The following ZNF131 variants were observed in gnomAD, a reference collection of about 807,000 sequenced individuals.
ZNF131 encodes zinc finger and BTB domain containing 35, also known as zinc finger protein 131.
A neutral mutation model predicts 60.0 loss-of-function variants in ZNF131; 7 were observed. The observed-to-expected ratio is 0.12, with a 90% CI of 0.07 to 0.22. ZNF131 has a LOEUF of 0.22. ZNF131 is among the 10% of genes least tolerant of loss of function. ZNF131 has a pLI of 1.00. For missense variants in ZNF131, 493 were observed against 740.9 expected, an observed-to-expected ratio of 0.67 and a Z score of 3.88; for synonymous variants, 257 against 253.2, an observed-to-expected ratio of 1.01 and a Z score of -0.14.
intron 5 of ZNF131, among the ~76,000 whole-genome samples, chr5:43,162,987 T>TTTTTTTTTG (rs1243576255): frequency 7.2e-6 from 1 of 138,906 alleles, no homozygotes; most frequent in African/African-American, 2.6e-5. Context: ...TTTTTTTTTT[T>TTTTTTTTTG]GGCAGATGGA....
intron 4 of ZNF131, among the ~76,000 whole-genome samples, chr5:43,158,773 T>C (rs1749276186): frequency 6.6e-6 from 1 of 152,160 alleles, no homozygotes; most frequent in Non-Finnish European, 1.5e-5. Flanking sequence ...ACATGTTTGC[T>C]GCTGGTTCCT....
intron 6 of ZNF131, 27 bp from the exon 7 acceptor site, chr5:43,174,420 T>C (rs758563187): frequency 2.0e-6 from 3 of 1,505,462 alleles, no homozygotes; most frequent in Non-Finnish European, 2.7e-6. Flanking sequence ...ATAAGTATTG[T>C]CTACATCATA....
intron 4 of ZNF131, chr5:43,143,401 G>A (rs1168082776): frequency 2.8e-6 from 4 of 1,406,966 alleles, no homozygotes; most frequent in Non-Finnish European, 3.7e-6. Flanking sequence ...ACTGCACATA[G>A]TCCTCAAAAG....
chr5:43,166,772 A>T lies in ZNF131; in HGVS notation c.1054+4841A>T, dbSNP rs10055540. ...CCGGGTTCAAGCAGTTCTCTGCCTC[A>T]GCCTCCCGAGTAGCTGGGATTACAG... On this transcript the variant is annotated intron_variant, in intron 5 of 6. Transcript: ENST00000682664. Among the ~76,000 whole-genome samples the T allele has an allele frequency of 4.7e-5, 7 of 149,932 alleles. 1 individual carries two copies. The South Asian group carries it at 6.2e-4, about 13-fold the overall frequency.
chr5:43,133,246 A>G (rs1278423132), intron 3 of ZNF131, among the ~76,000 whole-genome samples: 2 of 152,090 alleles, frequency 1.3e-5, no homozygotes, highest in African/African-American at 4.8e-5. Flanking sequence ...TGGACGGATC[A>G]TGAGGTCAGG....
chr5:43,123,317 G>T lies in ZNF131; in HGVS notation c.226+7G>T. 1 of 1,577,894 alleles carries T rather than the reference G, an allele frequency of 6.3e-7. No homozygotes were observed. The highest frequency in any genetic ancestry group is 8.6e-7 in the Non-Finnish European group (1 of 1,167,070). On this transcript the variant is annotated splice_region_variant and intron_variant, in intron 3 of 6. Coordinates refer to ENST00000682664, the MANE Select transcript of ZNF131 (RefSeq NM_001330707.2). ...CCATTGGTGGAGATAGAAGGTAAAT[G>T]ATTCTTGTTGTTTTTTTATTTAATA...
At chr5:43,152,336 C>G (rs774135199) in intron 4 of ZNF131, among the ~76,000 whole-genome samples, 8 of 152,120 alleles carry the variant, frequency 5.3e-5, no homozygotes, top group Non-Finnish European at 1.0e-4. Flanking sequence ...CTCCTGAATG[C>G]CAGCTGACTT....
At chr5:43,125,712 C>T (rs929661355) in intron 3 of ZNF131, among the ~76,000 whole-genome samples, 11 of 151,516 alleles carry the variant, frequency 7.3e-5, no homozygotes, top group Admixed American at 2.0e-4. Flanking sequence ...ACCCGGGAGG[C>T]GGAGGTTGTA....
Position 43,159,433 on chromosome 5 carries a change from C to G in ZNF131, c.372-1816C>G, listed in dbSNP as rs148047511. Among the ~76,000 whole-genome samples, 274 of 152,190 alleles carry G rather than the reference C, an allele frequency of 1.8e-3. 2 individuals are homozygous for G. The highest frequency in any genetic ancestry group is 6.3e-3 in the African/African-American group (262 of 41,506). The stretch of plus-strand genomic sequence containing the variant: ...TTTAGGCTGGGCACAGTGGCTCTTA[C>G]CGGTAATTCCAGCACTTTGGGAGGC... On this transcript the variant is annotated intron_variant, in intron 4 of 6. Transcript: ENST00000682664.
intron 4 of ZNF131, among the ~76,000 whole-genome samples, chr5:43,144,778 G>T (rs1280826474): frequency 1.3e-5 from 2 of 152,040 alleles, no homozygotes; most frequent in African/African-American, 4.8e-5. Context: ...AGTGGTACAC[G>T]TAAAGCTCTT....
chr5:43,162,330 G>A (rs1021066885), intron 5 of ZNF131, among the ~76,000 whole-genome samples: 7 of 152,180 alleles, frequency 4.6e-5, no homozygotes, highest in Admixed American at 2.6e-4. Context: ...GGTGGCTCAT[G>A]CCTGTAATCC....
At chr5:43,166,826 T>C (rs1750427338) in intron 5 of ZNF131, among the ~76,000 whole-genome samples, 1 of 151,850 alleles carries the variant, frequency 6.6e-6, no homozygotes. Flanking sequence ...GGCTGATTTT[T>C]TTTTGTATTT....
intron 4 of ZNF131, chr5:43,143,283 A>G (rs759183207): frequency 8.0e-6 from 7 of 875,158 alleles, no homozygotes; most frequent in African/African-American, 1.8e-5. Flanking sequence ...TGCCTCCCAA[A>G]GTGCTGGGAT....
At position 43,126,820 on chromosome 5, in the gene ZNF131, G is replaced by A. The variant is rs189134553; in HGVS notation, c.226+3510G>A. Among the ~76,000 whole-genome samples, 20 of 152,264 alleles carry A rather than the reference G, an allele frequency of 1.3e-4. No homozygotes were observed. In the East Asian group the frequency reaches 3.5e-3, roughly 27 times the overall value. ...CAGGATTGGGGCTTGCTTTGAGGCAGAGCTGAGAGAGAAGAAAAATTACCA... is the reference window on the plus strand; with the variant it reads ...CAGGATTGGGGCTTGCTTTGAGGCAAAGCTGAGAGAGAAGAAAAATTACCA... On this transcript the variant is annotated intron_variant, in intron 3 of 6. Coordinates refer to ENST00000682664, the MANE Select transcript of ZNF131 (RefSeq NM_001330707.2).
chr5:43,125,776 G>A (rs1015591774), intron 3 of ZNF131, among the ~76,000 whole-genome samples: 6 of 151,350 alleles, frequency 4.0e-5, no homozygotes, highest in Admixed American at 1.3e-4. Context: ...GTGAAACTCC[G>A]TCTCAAAGAA....
intron 5 of ZNF131, among the ~76,000 whole-genome samples, chr5:43,162,557 A>G (rs1749821535): frequency 6.9e-6 from 1 of 144,640 alleles, no homozygotes; most frequent in African/African-American, 2.6e-5. Context: ...ATGCCACTGC[A>G]CTCCAGCCTG....
intron 4 of ZNF131, among the ~76,000 whole-genome samples, chr5:43,144,233 CTTTCTTTT>C (rs1747274014): frequency 7.3e-5 from 6 of 82,454 alleles, no homozygotes; most frequent in East Asian, 3.0e-4. Context: ...TTTTTTCTTT[CTTTCTTTT>C]TTTTTTTTTT....
chr5:43,159,932 T>C (rs1749436337), intron 4 of ZNF131, among the ~76,000 whole-genome samples: 1 of 151,950 alleles, frequency 6.6e-6, no homozygotes, highest in Non-Finnish European at 1.5e-5. Context: ...CCCAGCACTT[T>C]GGGGGAGGCC....
rs764598305 is a variant in ZNF131, at chr5:43,174,487, A to G, written c.1226A>G (p.Asp409Gly). 1 of 1,547,012 alleles carries G rather than the reference A, an allele frequency of 6.5e-7. No individual in the cohort carries two copies. The highest frequency in any genetic ancestry group is 8.7e-7 in the Non-Finnish European group (1 of 1,146,976). The part of the protein sequence containing the change: ...SVFNSWDQFK[D>G]HLVIHTGDKP... ...TTTAACAGCTGGGACCAGTTCAAAG[A>G]TCACTTGGTAATACACACTGGAGAT... is the stretch of plus-strand genomic sequence containing the variant. Residue 409 changes from aspartate to glycine, a missense_variant, in exon 7 of 7, where the codon GAT becomes GGT. Asp to Gly is a moderately conservative substitution (Grantham distance 94). This residue lies in a region of ZNF131 where 33 missense variants were observed against 67.9 expected (regional missense o/e 0.49). Coordinates refer to ENST00000682664, the MANE Select transcript of ZNF131 (RefSeq NM_001330707.2).
Sources: allele counts gnomAD v4.1 joint callset (sites outside exome capture counted in the v4.1 genomes callset), GRCh38; gene constraint gnomAD v4.1.1; regional missense constraint gnomAD v4.1.1; transcripts MANE v1.5; gene names NCBI Gene and HGNC (gene_info 2026-07-23, HGNC 2026-07-21).